The following NKIRAS1 variants were observed in gnomAD, a reference collection of about 807,000 sequenced individuals.
NKIRAS1 encodes the protein NF-kappa-B inhibitor-interacting Ras-like protein 1.
NKIRAS1 carries 16 observed loss-of-function variants against 19.8 expected under a neutral mutation model. The observed-to-expected ratio is 0.81, with a 90% confidence interval of 0.55 to 1.23. The LOEUF is 1.23. NKIRAS1 is among the 50% of genes most tolerant of loss of function. The pLI is 0.00. For synonymous variants in NKIRAS1, 88 were observed against 79.0 expected, an observed-to-expected ratio of 1.11 and a Z score of -0.61; for missense variants, 184 against 220.0, an observed-to-expected ratio of 0.84 and a Z score of 1.04.
upstream of NKIRAS1, chr3:23,917,788 G>T (rs1704730514): frequency 6.8e-7 from 1 of 1,473,942 alleles, no homozygotes; most frequent in Non-Finnish European, 9.2e-7. Flanking sequence ...TAAGATGGAC[G>T]GATACAGTCG....
chr3:23,941,639 C>T (rs879336441), intron 1 of NKIRAS1, among the ~76,000 whole-genome samples: 2 of 152,118 alleles, frequency 1.3e-5, no homozygotes, highest in African/African-American at 2.4e-5. Context: ...AGCTACAGCA[C>T]GCTGGGTACT....
intron 3 of NKIRAS1, among the ~76,000 whole-genome samples, chr3:23,908,823 C>T: frequency 6.6e-6 from 1 of 151,840 alleles, no homozygotes; most frequent in Non-Finnish European, 1.5e-5. Context: ...GCCACCATGC[C>T]CACCTGGATA....
chr3:23,920,755 C>T, upstream of NKIRAS1: 1 of 974,738 alleles, frequency 1.0e-6, no homozygotes, highest in African/African-American at 1.8e-5. Context: ...ACCTAAATTT[C>T]TTCACAAAAA....
intron 1 of NKIRAS1, among the ~76,000 whole-genome samples, chr3:23,944,584 C>T (rs971967821): frequency 6.6e-6 from 1 of 152,136 alleles, no homozygotes; most frequent in African/African-American, 2.4e-5. Context: ...TGCACATTAG[C>T]TGAGTTCGGA....
At chr3:23,895,847 G>T (rs978967224) in intron 4 of NKIRAS1, among the ~76,000 whole-genome samples, 4 of 152,174 alleles carry the variant, frequency 2.6e-5, no homozygotes, top group South Asian at 2.1e-4. Context: ...AATTAGAAGA[G>T]AATTTCAGCC....
chr3:23,933,479 T>C (rs4078154), intron 1 of NKIRAS1, among the ~76,000 whole-genome samples: 97,599 of 152,118 alleles, frequency 0.64, 31,525 homozygotes, highest in Middle Eastern at 0.73. Context: ...CTGCCAAACA[T>C]ACTACAATGC....
chr3:23,913,087 T>C (rs540733742), intron 1 of NKIRAS1, among the ~76,000 whole-genome samples: 1 of 151,722 alleles, frequency 6.6e-6, no homozygotes, highest in Admixed American at 6.6e-5. Context: ...AAATGTACTT[T>C]GATCACTCAT....
chr3:23,898,201 C>T (rs1423844219), intron 4 of NKIRAS1, among the ~76,000 whole-genome samples: 1 of 152,078 alleles, frequency 6.6e-6, no homozygotes, highest in African/African-American at 2.4e-5. Context: ...TGACTTCTTA[C>T]ATCTTTTCAA....
At chr3:23,945,833 C>G (rs1045371185) in intron 1 of NKIRAS1, among the ~76,000 whole-genome samples, 12 of 150,886 alleles carry the variant, frequency 8.0e-5, no homozygotes, top group East Asian at 7.9e-4. Flanking sequence ...CGGCCCCCCC[C>G]TCACATGGCC....
upstream of NKIRAS1, chr3:23,918,115 T>G: frequency 6.8e-7 from 1 of 1,469,776 alleles, no homozygotes; most frequent in Non-Finnish European, 9.2e-7. Context: ...CACTGCTGCC[T>G]CAGTGTCTTT....
chr3:23,897,937 C>T (rs189333956), intron 4 of NKIRAS1, among the ~76,000 whole-genome samples: 187 of 152,242 alleles, frequency 1.2e-3, no homozygotes, highest in Non-Finnish European at 2.1e-3. Flanking sequence ...TAAGCATTCA[C>T]GGAATTAATA....
chr3:23,912,542 C>G (rs1034363003), intron 1 of NKIRAS1, among the ~76,000 whole-genome samples: 2 of 152,284 alleles, frequency 1.3e-5, no homozygotes, highest in African/African-American at 4.8e-5. Context: ...CAGGAAACAA[C>G]AGGTGCTGGA....
chr3:23,896,455 A>C (rs1000612256), intron 4 of NKIRAS1, among the ~76,000 whole-genome samples: 2 of 151,974 alleles, frequency 1.3e-5, no homozygotes, highest in Non-Finnish European at 2.9e-5. Context: ...TCGTCTAAAA[A>C]TACAAAAATT....
chr3:23,898,732 C>A (rs1702222542), intron 4 of NKIRAS1, among the ~76,000 whole-genome samples: 1 of 152,198 alleles, frequency 6.6e-6, no homozygotes, highest in African/African-American at 2.4e-5. Context: ...GTGTGAATCA[C>A]TGCACCTGGC....
intron 4 of NKIRAS1, among the ~76,000 whole-genome samples, chr3:23,895,701 A>G (rs1448546558): frequency 6.6e-6 from 1 of 152,170 alleles, no homozygotes; most frequent in East Asian, 1.9e-4. Context: ...TTCTCCGGCA[A>G]ATGTATTACA....
chr3:23,918,067 T>A (rs1704767195), upstream of NKIRAS1: 1 of 1,583,130 alleles, frequency 6.3e-7, no homozygotes, highest in African/African-American at 1.4e-5. Context: ...TGGATAAAAT[T>A]ATATTCGAGA....
intron 1 of NKIRAS1, among the ~76,000 whole-genome samples, chr3:23,930,192 G>T (rs556307615): frequency 3.9e-5 from 6 of 152,300 alleles, no homozygotes; most frequent in African/African-American, 9.6e-5. Context: ...TTCATCCTGG[G>T]GGGTATTTGC....
At chr3:23,920,433 A>C, upstream of NKIRAS1, 1 of 985,292 alleles carries the variant, frequency 1.0e-6, no homozygotes, top group Non-Finnish European at 1.2e-6. Flanking sequence ...TGGCCAAACA[A>C]CCCTAAAAAT....
intron 3 of NKIRAS1, among the ~76,000 whole-genome samples, chr3:23,904,769 C>T (rs868370943): frequency 3.9e-5 from 6 of 152,202 alleles, no homozygotes; most frequent in Middle Eastern, 6.8e-3. Context: ...AGAGACACAC[C>T]TTCTATGAAT....
Sources: gnomAD v4.1 joint callset for allele counts (sites outside exome capture counted in the v4.1 genomes callset) on GRCh38, gnomAD v4.1.1 for gene constraint, MANE v1.5 for transcripts, NCBI Gene and HGNC (gene_info 2026-07-23, HGNC 2026-07-21) for gene names.